Variants in VWA8 observed in about 807,000 individuals in gnomAD.
The protein encoded by VWA8 is von Willebrand factor A domain containing 8.
A neutral mutation model predicts 241.5 loss-of-function variants in VWA8; 221 were observed. The observed-to-expected ratio is 0.91, with a 90% CI of 0.82 to 1.02. VWA8 has a LOEUF of 1.02. Ranked by LOEUF, VWA8 falls within the 50% of genes least tolerant of loss-of-function variation. The pLI is 0.00. For missense variants in VWA8, 2,322 were observed against 2,328.7 expected, an observed-to-expected ratio of 1.00 and a Z score of 0.06; for synonymous variants, 852 against 827.1, an observed-to-expected ratio of 1.03 and a Z score of -0.52.
intron 37 of VWA8, among the ~76,000 whole-genome samples, chr13:41,657,601 C>T (rs1001092362): frequency 3.3e-4 from 50 of 151,886 alleles, no homozygotes; most frequent in African/African-American, 1.1e-3. Flanking sequence ...GCCATTCTCC[C>T]GCCTCAGCCT....
chr13:41,702,784 G>A (rs1303028821), intron 27 of VWA8, among the ~76,000 whole-genome samples: 1 of 152,216 alleles, frequency 6.6e-6, no homozygotes, highest in African/African-American at 2.4e-5. Context: ...GATGACAGCA[G>A]AAGCAGAAAT....
intron 16 of VWA8, 88 bp from the exon 17 acceptor site, chr13:41,811,428 T>C (rs1870467368): frequency 9.6e-7 from 1 of 1,041,532 alleles, no homozygotes; most frequent in South Asian, 1.9e-5. Flanking sequence ...AATTCATTAT[T>C]ACTGAAGGGG....
chr13:41,650,159 A>T (rs1392003013), intron 37 of VWA8, among the ~76,000 whole-genome samples: 1 of 150,480 alleles, frequency 6.6e-6, no homozygotes, highest in Non-Finnish European at 1.5e-5. Flanking sequence ...TATTGTACAG[A>T]TTTATTATCA....
chr13:41,714,486 AT>A (rs1328254190), intron 26 of VWA8, among the ~76,000 whole-genome samples: 1 of 152,010 alleles, frequency 6.6e-6, no homozygotes, highest in Non-Finnish European at 1.5e-5. Context: ...GATAGAGACA[AT>A]TTCTCTGTAT....
intron 9 of VWA8, among the ~76,000 whole-genome samples, chr13:41,880,543 T>G (rs1391006903): frequency 6.6e-6 from 1 of 152,210 alleles, no homozygotes; most frequent in African/African-American, 2.4e-5. Context: ...GGTCCAGGAT[T>G]TAATTCAGGA....
At chr13:41,654,113 C>A (rs1195130534) in intron 37 of VWA8, among the ~76,000 whole-genome samples, 4 of 152,056 alleles carry the variant, frequency 2.6e-5, no homozygotes, top group African/African-American at 9.7e-5. Flanking sequence ...CTTAGAATGC[C>A]AACTAATAAA....
chr13:41,799,801 A>G (rs1391943298), intron 17 of VWA8, among the ~76,000 whole-genome samples: 1 of 152,042 alleles, frequency 6.6e-6, no homozygotes, highest in Admixed American at 6.6e-5. Flanking sequence ...ATATCACACA[A>G]TTCACCTATT....
At chr13:41,736,304 G>A (rs916194918) in intron 21 of VWA8, among the ~76,000 whole-genome samples, 2 of 152,026 alleles carry the variant, frequency 1.3e-5, no homozygotes, top group Non-Finnish European at 2.9e-5. Context: ...AAGAAATATT[G>A]TACTAAACTC....
At chr13:41,871,508 A>G (rs1873612314) in intron 9 of VWA8, among the ~76,000 whole-genome samples, 1 of 151,792 alleles carries the variant, frequency 6.6e-6, no homozygotes, top group Admixed American at 6.6e-5. Flanking sequence ...TCCTGTGTCC[A>G]TGTGTTCTCA....
At chr13:41,882,174 G>T (rs1168844715) in intron 9 of VWA8, among the ~76,000 whole-genome samples, 3 of 151,446 alleles carry the variant, frequency 2.0e-5, no homozygotes, top group East Asian at 3.9e-4. Flanking sequence ...CGGGGCGGCA[G>T]GGCAGAGGCT....
intron 43 of VWA8, among the ~76,000 whole-genome samples, chr13:41,572,229 C>T (rs1371765871): frequency 4.0e-5 from 6 of 150,650 alleles, no homozygotes; most frequent in African/African-American, 2.4e-5. Flanking sequence ...AGGTGGGGGG[C>T]GCCTCTGCCC....
chr13:41,703,246 G>T (rs2045261250), intron 27 of VWA8, 57 bp downstream of exon 27: 2 of 1,402,316 alleles, frequency 1.4e-6, no homozygotes, highest in South Asian at 1.2e-5. Context: ...CTCCAGGGAA[G>T]ATACAGCAAA....
chr13:41,721,613 A>G (rs769442140), intron 24 of VWA8, 38 bp from the exon 25 acceptor site: 3 of 1,572,222 alleles, frequency 1.9e-6, no homozygotes, highest in Non-Finnish European at 2.6e-6. Flanking sequence ...GTATGCAACA[A>G]ATCCATTACG....
Position 41,960,902 on chromosome 13 carries a change from C to T in VWA8, c.114G>A (p.Arg38=), listed in dbSNP as rs1401270294. 8 of 1,513,054 alleles carry T rather than the reference C, an allele frequency of 5.3e-6. No homozygotes were observed. The Admixed American group carries it at 1.4e-4, about 27-fold the overall frequency. The allele number at this position is 1,513,054 out of a possible 1,614,324, so 93.7% of individuals were successfully genotyped here. A position where few individuals can be genotyped will look rare whatever the true frequency, so the allele number is the denominator to read the frequency against. Residue 38 remains arginine (R), a synonymous_variant, in exon 1 of 45, where the codon AGG becomes AGA. Transcript: ENST00000379310. ...QVVQRRPGGD[R]QRPEVRLLHA... ...GCAACAGTCTGACCTCCGGCCGCTG[C>T]CTGTCGCCACCCGGCCTGCGCTGCA...
At chr13:41,765,996 G>A (rs901599016) in intron 20 of VWA8, among the ~76,000 whole-genome samples, 6 of 152,128 alleles carry the variant, frequency 3.9e-5, no homozygotes, top group South Asian at 4.2e-4. Flanking sequence ...AAGGATTTTC[G>A]CAGAAGCAGG....
At chr13:41,694,410 T>C (rs532774928) in intron 29 of VWA8, among the ~76,000 whole-genome samples, 91 of 152,130 alleles carry the variant, frequency 6.0e-4, no homozygotes, top group African/African-American at 2.0e-3. Context: ...ACCCTTAGAA[T>C]GTATCATTCT....
At chr13:41,806,876 CAA>C (rs78099965) in intron 17 of VWA8, among the ~76,000 whole-genome samples, 40 of 93,576 alleles carry the variant, frequency 4.3e-4, no homozygotes, top group Middle Eastern at 6.5e-3. Context: ...GACTCCATCT[CAA>C]AAAAAAAAAA....
intron 14 of VWA8, among the ~76,000 whole-genome samples, chr13:41,829,436 G>A (rs114367128): frequency 2.4e-4 from 37 of 151,708 alleles, no homozygotes; most frequent in African/African-American, 8.7e-4. Flanking sequence ...AAAGATACAT[G>A]CACATTCATG....
At chr13:41,805,995 C>CA (rs1215137704) in intron 17 of VWA8, among the ~76,000 whole-genome samples, 92 of 86,528 alleles carry the variant, frequency 1.1e-3, no homozygotes, top group African/African-American at 2.8e-3. Context: ...TTAAAAAATT[C>CA]AAAAATAAAA....
Sources: allele counts gnomAD v4.1 joint callset (sites outside exome capture counted in the v4.1 genomes callset), GRCh38; gene constraint gnomAD v4.1.1; transcripts MANE v1.5; gene names NCBI Gene and HGNC (gene_info 2026-07-23, HGNC 2026-07-21).